Variants in PDPN observed in about 807,000 individuals in gnomAD.
PDPN encodes PA2.26 antigen.
PDPN carries 12 observed loss-of-function variants against 23.2 expected under a neutral mutation model. The observed-to-expected ratio is 0.52, with a 90% CI of 0.33 to 0.84. PDPN has a LOEUF of 0.84. Ranked by LOEUF, PDPN falls within the 40% of genes least tolerant of loss-of-function variation. The pLI is 0.02. For synonymous variants in PDPN, 77 were observed against 76.7 expected, an observed-to-expected ratio of 1.00 and a Z score of -0.02; for missense variants, 199 against 212.2, an observed-to-expected ratio of 0.94 and a Z score of 0.39.
chr1:13,606,712 T>A (rs936257307), intron 1 of PDPN, among the ~76,000 whole-genome samples: 5 of 151,944 alleles, frequency 3.3e-5, no homozygotes, highest in African/African-American at 4.8e-5. Flanking sequence ...AATAAAAAAA[T>A]AAAAAGATGG....
intron 1 of PDPN, among the ~76,000 whole-genome samples, chr1:13,591,228 C>T (rs1214243456): frequency 6.6e-6 from 1 of 152,110 alleles, no homozygotes; most frequent in Non-Finnish European, 1.5e-5. Flanking sequence ...GCGTGAGCCA[C>T]CATGTGCAGC....
At chr1:13,594,107 C>T (rs1352956071) in intron 1 of PDPN, among the ~76,000 whole-genome samples, 1 of 152,220 alleles carries the variant, frequency 6.6e-6, no homozygotes, top group Non-Finnish European at 1.5e-5. Flanking sequence ...CTCCCATGAA[C>T]TCTGAAAACT....
intron 1 of PDPN, among the ~76,000 whole-genome samples, chr1:13,605,602 C>A (rs1640763669): frequency 6.6e-6 from 1 of 152,166 alleles, no homozygotes. Context: ...TGGTAGTCCA[C>A]TCCAATTCCC....
In PDPN at chr1:13,610,380, A is replaced by G; in HGVS notation, c.202-7A>G. The G allele has an allele frequency of 6.2e-7, 1 of 1,612,134 alleles. No homozygotes were observed. Among genetic ancestry groups the G allele is most frequent in the Non-Finnish European group, 8.5e-7 (1 of 1,178,760 alleles). On this transcript the variant is annotated splice_polypyrimidine_tract_variant and splice_region_variant and intron_variant, in intron 2 of 5. Transcript: ENST00000621990. Reference sequence around the variant, plus strand: ...TTCCTGTTTTTCCTCATTTACACCTACAATAGGTGGCAACAAGTGTCAACA... The same window carrying G: ...TTCCTGTTTTTCCTCATTTACACCTGCAATAGGTGGCAACAAGTGTCAACA...
At chr1:13,614,911 G>A (rs1173223389) in intron 5 of PDPN, 1 of 477,472 alleles carries the variant, frequency 2.1e-6, no homozygotes, top group African/African-American at 2.0e-5. Flanking sequence ...GAGGTGGCTT[G>A]TAAGTTGACT....
intron 4 of PDPN, 103 bp downstream of exon 4, chr1:13,613,828 A>C (rs1022161250): frequency 4.4e-6 from 3 of 675,140 alleles, no homozygotes; most frequent in Non-Finnish European, 8.1e-6. Context: ...GATTGCAGTC[A>C]ATGAGAGCAG....
chr1:13,585,470 G>A (rs770113619), intron 1 of PDPN: 42 of 1,318,478 alleles, frequency 3.2e-5, no homozygotes, highest in Non-Finnish European at 4.0e-5. Flanking sequence ...CCTTTTTGGC[G>A]AGACAATGTG....
rs376003395 is a variant in PDPN at position 13,601,267 on chromosome 1, A to G, written c.68-5906A>G. Reference sequence around the variant, plus strand: ...TAGAAACAGCTTCTGGAGACTCTGCAGACAGAGGGCCCATGTGGAGTGGGG... The same window carrying G: ...TAGAAACAGCTTCTGGAGACTCTGCGGACAGAGGGCCCATGTGGAGTGGGG... On this transcript the variant is annotated intron_variant, in intron 1 of 5. Coordinates refer to ENST00000621990, the MANE Select transcript of PDPN (RefSeq NM_006474.5). Among the ~76,000 whole-genome samples the G allele has an allele frequency of 3.3e-5, 5 of 152,330 alleles. No homozygotes were observed. In the East Asian group the frequency reaches 9.6e-4, roughly 29 times the overall value.
chr1:13,604,878 C>T (rs550616461), intron 1 of PDPN, among the ~76,000 whole-genome samples: 1 of 152,244 alleles, frequency 6.6e-6, no homozygotes, highest in South Asian at 2.1e-4. Context: ...AATCACCAAC[C>T]CTCACCTCTA....
chr1:13,593,557 G>A (rs1204271477), intron 1 of PDPN, among the ~76,000 whole-genome samples: 5 of 152,284 alleles, frequency 3.3e-5, no homozygotes, highest in African/African-American at 9.6e-5. Flanking sequence ...GCCAAGGGAC[G>A]CTAGTGGAAA....
chr1:13,602,269 C>T (rs377045812), intron 1 of PDPN, among the ~76,000 whole-genome samples: 32 of 151,844 alleles, frequency 2.1e-4, no homozygotes, highest in East Asian at 1.6e-3. Flanking sequence ...CAGAGCTTGC[C>T]GTGAGCCGAG....
At position 13,604,897 on chromosome 1, in the gene PDPN, C is replaced by G. The variant is rs528817952; in HGVS notation, c.68-2276C>G. ...ACCAACCCTCACCTCTACCCCTACT[C>G]CAGCAAAAGGCCACATGGAGAGGCA... is the stretch of plus-strand genomic sequence containing the variant. On this transcript the variant is annotated intron_variant, in intron 1 of 5. Coordinates refer to ENST00000621990, the MANE Select transcript of PDPN (RefSeq NM_006474.5). Among the ~76,000 whole-genome samples, 8 of 152,294 alleles carry G rather than the reference C, an allele frequency of 5.3e-5. No homozygotes were observed. In the South Asian group the frequency reaches 8.3e-4, roughly 16 times the overall value.
intron 1 of PDPN, 100 bp from the exon 2 acceptor site, chr1:13,607,073 C>A: frequency 5.1e-6 from 7 of 1,378,892 alleles, no homozygotes; most frequent in Admixed American, 2.2e-5. Flanking sequence ...ACAAAAATTT[C>A]CAAAAGAAAT....
intron 4 of PDPN, 111 bp from the exon 5 acceptor site, chr1:13,614,189 G>A (rs1641006997): frequency 3.1e-6 from 2 of 638,224 alleles, no homozygotes; most frequent in Non-Finnish European, 5.6e-6. Flanking sequence ...ACAACATAGA[G>A]CAATATTTGC....
intron 2 of PDPN, among the ~76,000 whole-genome samples, chr1:13,607,764 A>G (rs538792483): frequency 2.0e-5 from 3 of 152,072 alleles, no homozygotes; most frequent in African/African-American, 7.2e-5. Flanking sequence ...ATACAATGAA[A>G]GTTTTCTTGG....
At chr1:13,613,869 GCT>G (rs1640998063) in intron 4 of PDPN, 144 bp downstream of exon 4, 37 of 241,684 alleles carry the variant, frequency 1.5e-4, no homozygotes, top group South Asian at 2.3e-4. Flanking sequence ...CAGATTTCAA[GCT>G]TTTTTTTTTT....
At chr1:13,587,059 T>C (rs895485225) in intron 1 of PDPN, among the ~76,000 whole-genome samples, 4 of 152,124 alleles carry the variant, frequency 2.6e-5, no homozygotes, top group African/African-American at 9.7e-5. Context: ...CAAAAATATA[T>C]ATAAAAACAA....
Position 13,615,942 on chromosome 1 carries a change from G to C in PDPN, c.*31G>C. The C allele has an allele frequency of 6.2e-7, 1 of 1,609,194 alleles. No homozygotes were observed. On this transcript the variant is annotated 3_prime_UTR_variant, in exon 6 of 6. Transcript: ENST00000621990. ...TGAAGGGTTACGCCCTGCTGCCAACGTGCTTAAAAAAAGACCGTTTCTGAC... is the reference window on the plus strand; with the variant it reads ...TGAAGGGTTACGCCCTGCTGCCAACCTGCTTAAAAAAAGACCGTTTCTGAC...
At chr1:13,615,441 A>C (rs1408436260) in intron 5 of PDPN, among the ~76,000 whole-genome samples, 2 of 151,490 alleles carry the variant, frequency 1.3e-5, no homozygotes, top group African/African-American at 4.9e-5. Flanking sequence ...ATGCACCACC[A>C]CACCTGGCTA....
Sources: allele counts gnomAD v4.1 joint callset (sites outside exome capture counted in the v4.1 genomes callset), GRCh38; gene constraint gnomAD v4.1.1; transcripts MANE v1.5; gene names NCBI Gene and HGNC (gene_info 2026-07-23, HGNC 2026-07-21).